CHUK: variants seen among roughly 807,000 people sequenced by gnomAD.
CHUK encodes the protein inhibitor of nuclear factor kappa-B kinase subunit alpha.
In CHUK, 35 loss-of-function variants were observed where a neutral mutation model predicts 104.8. That is an observed-to-expected ratio of 0.33 (90% CI 0.26 to 0.44). The LOEUF (loss-of-function observed/expected upper bound fraction) is 0.44. Ranked by LOEUF, CHUK falls within the 20% of genes least tolerant of loss-of-function variation. CHUK has a pLI of 1.00. For synonymous variants in CHUK, 276 were observed against 291.9 expected, an observed-to-expected ratio of 0.95 and a Z score of 0.56; for missense variants, 663 against 902.7, an observed-to-expected ratio of 0.73 and a Z score of 3.40.
intron 13 of CHUK, among the ~76,000 whole-genome samples, chr10:100,203,961 C>T (rs17885884): frequency 0.073 from 11,156 of 152,204 alleles, 543 homozygotes; most frequent in African/African-American, 0.13. Context: ...AAGAACAAGG[C>T]AGATTTGAGG....
Position 100,194,088 on chromosome 10 carries a change from T to C in CHUK, c.1870A>G (p.Lys624Glu). 2 of 1,613,752 alleles carry C rather than the reference T, an allele frequency of 1.2e-6. No individual in the cohort carries two copies. The highest frequency in any genetic ancestry group is 1.7e-6 in the Non-Finnish European group (2 of 1,179,786). The change falls in exon 18 of 21, where the codon AAG (lysine) becomes GAG (glutamate). Residue 624 changes from lysine (K) to glutamate (E), a missense_variant. By Grantham distance (56) the Lys-to-Glu change is moderately conservative. Coordinates refer to ENST00000370397, the MANE Select transcript of CHUK (RefSeq NM_001278.5). ...ATATTACTGAGGGCCACTTCCACCT[T>C]AGGGAGTAGATCAATAATCTTCTGC... ...CKQKIIDLLP[K>E]VEVALSNIKE...
Position 100,209,503 on chromosome 10 carries a change from C to T in CHUK, c.1128+92G>A, listed in dbSNP as rs1466771346. 6.3e-6 allele frequency: 5 copies of T among 794,400 alleles called. No homozygotes were observed. The Admixed American group carries it at 9.7e-5, about 15-fold the overall frequency. 49.2% of individuals were successfully genotyped at this position (794,400 alleles called of 1,614,324 possible). A position where few individuals can be genotyped will look rare whatever the true frequency, so the allele number is the denominator to read the frequency against. ...AAAACCAAAACAAAATGTGCGGCCT[C>T]CCAAGGAATTCCAAGTATGCATAAA... On this transcript the variant is annotated intron_variant, in intron 10 of 20. Transcript: ENST00000370397.
intron 20 of CHUK, chr10:100,190,250 G>A: frequency 6.4e-6 from 1 of 156,720 alleles, no homozygotes; most frequent in Non-Finnish European, 1.4e-5. Flanking sequence ...CAAACTCCTG[G>A]GCTCAAGCAA....
At chr10:100,229,261 G>A (rs1846179780) in intron 1 of CHUK, among the ~76,000 whole-genome samples, 167 bp downstream of exon 1, 1 of 152,026 alleles carries the variant, frequency 6.6e-6, no homozygotes, top group African/African-American at 2.4e-5. Context: ...TGGACACACA[G>A]GCATAGTATC....
At chr10:100,208,504 T>G (rs1295516292) in intron 10 of CHUK, among the ~76,000 whole-genome samples, 1 of 151,868 alleles carries the variant, frequency 6.6e-6, no homozygotes, top group Non-Finnish European at 1.5e-5. Context: ...AGTTAAATAT[T>G]AAAAGCTGAA....
intron 2 of CHUK, among the ~76,000 whole-genome samples, chr10:100,225,022 A>C (rs1488870622): frequency 1.4e-5 from 2 of 147,484 alleles, no homozygotes; most frequent in Non-Finnish European, 3.0e-5. Flanking sequence ...GCTAGTTTTT[A>C]TATTTTTTGT....
intron 20 of CHUK, chr10:100,190,610 A>C (rs1205017400): frequency 1.8e-5 from 9 of 492,496 alleles, no homozygotes; most frequent in Non-Finnish European, 3.0e-5. Context: ...TTCAATGGTC[A>C]CATTGTGAAG....
intron 13 of CHUK, 140 bp downstream of exon 13, chr10:100,204,366 G>A: frequency 1.4e-6 from 1 of 725,006 alleles, no homozygotes; most frequent in Non-Finnish European, 2.4e-6. Flanking sequence ...AAACAAACAT[G>A]GTTTATGTTA....
intron 16 of CHUK, among the ~76,000 whole-genome samples, chr10:100,197,704 C>T (rs191844162): frequency 1.5e-4 from 23 of 152,232 alleles, no homozygotes; most frequent in Non-Finnish European, 2.2e-4. Flanking sequence ...AAGTGCTATA[C>T]ATACATGTGT....
chr10:100,221,706 C>T (rs1235071360), intron 4 of CHUK, among the ~76,000 whole-genome samples: 4 of 152,076 alleles, frequency 2.6e-5, no homozygotes, highest in Non-Finnish European at 4.4e-5. Flanking sequence ...GGTGCAATCT[C>T]GGCTCACTGC....
chr10:100,212,729 G>A (rs1845757723), intron 9 of CHUK, among the ~76,000 whole-genome samples: 1 of 152,172 alleles, frequency 6.6e-6, no homozygotes, highest in African/African-American at 2.4e-5. Context: ...CTGAGGCTGG[G>A]CGTGGTGGCT....
chr10:100,190,899 C>T lies in CHUK; in HGVS notation c.2178G>A (p.Glu726=), dbSNP rs1025054898. The change falls in exon 20 of 21, where the codon GAG becomes GAA. Residue 726 remains glutamate, a synonymous_variant. Coordinates refer to ENST00000370397, the MANE Select transcript of CHUK (RefSeq NM_001278.5). ...TACTATTGCCCTGTTCCTCATTTGC[C>T]TCATGAATAATAGTGCTTAAATGGC... ...CLGHLSTIIH[E]ANEEQGNSMM... The T allele has an allele frequency of 1.2e-6, 2 of 1,611,404 alleles. No homozygotes were observed. Among genetic ancestry groups the T allele is most frequent in the African/African-American group, 2.7e-5 (2 of 74,998 alleles).
chr10:100,218,577 G>A, intron 8 of CHUK, 141 bp downstream of exon 8: 1 of 698,202 alleles, frequency 1.4e-6, no homozygotes, highest in Non-Finnish European at 2.6e-6. Context: ...AACCTCATGT[G>A]GCCAACAGAA....
intron 8 of CHUK, 111 bp downstream of exon 8, chr10:100,218,607 C>T: frequency 1.3e-6 from 1 of 766,314 alleles, no homozygotes; most frequent in South Asian, 1.4e-5. Flanking sequence ...GTTTCTACAT[C>T]ATCACAGAAA....
chr10:100,190,765 A>G (rs1216008344), intron 20 of CHUK, 104 bp downstream of exon 20: 4 of 785,924 alleles, frequency 5.1e-6, no homozygotes, highest in South Asian at 1.3e-5. Context: ...GAGTTCTTCT[A>G]TTTCCCATAT....
rs372633051 is a variant in CHUK at position 100,222,956 on chromosome 10, C to T, written c.225G>A (p.Lys75=). 6.3e-7 allele frequency: 1 copy of T among 1,599,524 alleles called. No homozygotes were observed. Among genetic ancestry groups the T allele is most frequent in the Non-Finnish European group, 8.6e-7 (1 of 1,167,274 alleles). Reference sequence around the variant, plus strand: ...TCAATTCTTCAGGAACATCACAGGCCTTTACAACATTGGCATGGTTCAACC... The same window carrying T: ...TCAATTCTTCAGGAACATCACAGGCTTTTACAACATTGGCATGGTTCAACC... The part of the protein sequence containing the change: ...MKKLNHANVV[K]ACDVPEELNI... The change falls in exon 3 of 21, where the codon AAG becomes AAA. Residue 75 remains lysine (K), a synonymous_variant. Coordinates refer to ENST00000370397, the MANE Select transcript of CHUK (RefSeq NM_001278.5).
In CHUK at chr10:100,204,597, T is replaced by C. The variant is rs1845547029; in HGVS notation, c.1416A>G (p.Ala472=). 1.2e-6 allele frequency: 2 copies of C among 1,613,292 alleles called. No homozygotes were observed. The highest frequency in any genetic ancestry group is 1.1e-5 in the South Asian group (1 of 91,074). ...LTKMKNTLIS[A]SQQLKAKLEF... ...CCAATTTAGCTTTCAGTTGTTGTGATGCTGAGATCAAAGTGTTCTTCATTT... is the reference window on the plus strand; with the variant it reads ...CCAATTTAGCTTTCAGTTGTTGTGACGCTGAGATCAAAGTGTTCTTCATTT... Residue 472 remains alanine (A), a synonymous_variant, in exon 13 of 21, where the codon GCA becomes GCG. Coordinates refer to ENST00000370397, the MANE Select transcript of CHUK (RefSeq NM_001278.5).
intron 9 of CHUK, among the ~76,000 whole-genome samples, chr10:100,214,443 C>A (rs1195547048): frequency 1.3e-5 from 2 of 152,176 alleles, no homozygotes; most frequent in African/African-American, 4.8e-5. Flanking sequence ...AAGTATCATA[C>A]ACTTGGCAGT....
chr10:100,216,373 A>G (rs1239305971), intron 9 of CHUK, among the ~76,000 whole-genome samples: 1 of 152,380 alleles, frequency 6.6e-6, no homozygotes, highest in East Asian at 1.9e-4. Context: ...GTGTTAGCCA[A>G]GAATGACATC....
Sources: allele counts gnomAD v4.1 joint callset (sites outside exome capture counted in the v4.1 genomes callset), GRCh38; gene constraint gnomAD v4.1.1; transcripts MANE v1.5; gene names NCBI Gene and HGNC (gene_info 2026-07-23, HGNC 2026-07-21).